Variants in CDC14A observed in about 807,000 individuals in gnomAD.
CDC14A encodes cell division cycle 14A, also known as dual specificity protein phosphatase CDC14A.
In CDC14A, 53 loss-of-function variants were observed where a neutral mutation model predicts 74.4. The observed-to-expected ratio is 0.71, with a 90% CI of 0.57 to 0.89. The LOEUF is 0.89. Among genes scored for constraint, CDC14A ranks in the 40% least tolerant of loss-of-function variants. CDC14A has a pLI of 0.00. For missense variants in CDC14A, 646 were observed against 713.7 expected, an observed-to-expected ratio of 0.91 and a Z score of 1.08; for synonymous variants, 247 against 258.4, an observed-to-expected ratio of 0.96 and a Z score of 0.43.
At chr1:100,488,202 A>G (rs1389726705) in intron 11 of CDC14A, among the ~76,000 whole-genome samples, 1 of 152,210 alleles carries the variant, frequency 6.6e-6, no homozygotes, top group African/African-American at 2.4e-5. Context: ...TTAAATCAGG[A>G]TCTTAGCATG....
chr1:100,453,885 A>G (rs1015607610), intron 7 of CDC14A, among the ~76,000 whole-genome samples: 3 of 152,150 alleles, frequency 2.0e-5, no homozygotes, highest in East Asian at 1.9e-4. Context: ...CAGGTGATTC[A>G]CCTGCATTGG....
At chr1:100,353,876 T>C in intron 2 of CDC14A, 24 bp downstream of exon 2, 1 of 1,404,618 alleles carries the variant, frequency 7.1e-7, no homozygotes, top group Non-Finnish European at 1.0e-6. Context: ...TTGTTTTTTT[T>C]TCTCTTGGCC....
intron 10 of CDC14A, among the ~76,000 whole-genome samples, chr1:100,480,620 A>G (rs978175430): frequency 6.6e-6 from 1 of 152,194 alleles, no homozygotes; most frequent in African/African-American, 2.4e-5. Flanking sequence ...CCAACAATGC[A>G]CGAGGGGTCC....
At chr1:100,419,339 T>C (rs1361778732) in intron 4 of CDC14A, among the ~76,000 whole-genome samples, 5 of 152,198 alleles carry the variant, frequency 3.3e-5, no homozygotes, top group Admixed American at 2.0e-4. Context: ...GAACCCCTCA[T>C]GAGAAAGGGG....
At chr1:100,412,560 T>A (rs1294551071) in intron 4 of CDC14A, among the ~76,000 whole-genome samples, 1 of 147,750 alleles carries the variant, frequency 6.8e-6, no homozygotes, top group Non-Finnish European at 1.5e-5. Context: ...CATAGGAAGA[T>A]GGGGGTGAGA....
chr1:100,411,844 G>A (rs1289492836), intron 4 of CDC14A, among the ~76,000 whole-genome samples: 2 of 152,196 alleles, frequency 1.3e-5, no homozygotes, highest in African/African-American at 2.4e-5. Context: ...AGAGGTCAGT[G>A]ATAATGGCAA....
At chr1:100,500,916 T>C (rs1239054457) in intron 15 of CDC14A, among the ~76,000 whole-genome samples, 4 of 151,584 alleles carry the variant, frequency 2.6e-5, no homozygotes, top group Admixed American at 6.6e-5. Context: ...CTTTTAAAAC[T>C]TTTACCCTCT....
At chr1:100,396,233 G>A (rs1336453766) in intron 4 of CDC14A, among the ~76,000 whole-genome samples, 1 of 152,218 alleles carries the variant, frequency 6.6e-6, no homozygotes, top group African/African-American at 2.4e-5. Flanking sequence ...TCTTGGGGAA[G>A]TCTAGGGCCT....
At chr1:100,512,782 A>G (rs1649892377) in intron 15 of CDC14A, among the ~76,000 whole-genome samples, 2 of 152,234 alleles carry the variant, frequency 1.3e-5, no homozygotes, top group Non-Finnish European at 2.9e-5. Flanking sequence ...AACACTATGG[A>G]AAAATGCACA....
At chr1:100,516,452 G>A (rs1344544662) in intron 15 of CDC14A, among the ~76,000 whole-genome samples, 1 of 152,140 alleles carries the variant, frequency 6.6e-6, no homozygotes, top group African/African-American at 2.4e-5. Context: ...GTTATATGCA[G>A]TTTGAAGAAT....
At chr1:100,498,637 A>G (rs1281922961) in intron 14 of CDC14A, among the ~76,000 whole-genome samples, 1 of 152,134 alleles carries the variant, frequency 6.6e-6, no homozygotes, top group Non-Finnish European at 1.5e-5. Context: ...CCCCAGGGTA[A>G]ATAAAACTCT....
chr1:100,362,556 T>C (rs1652907433), intron 2 of CDC14A, among the ~76,000 whole-genome samples: 2 of 152,246 alleles, frequency 1.3e-5, no homozygotes, highest in African/African-American at 4.8e-5. Context: ...TTGGTCATTT[T>C]GGTTGTTTCC....
At chr1:100,464,393 A>T (rs1007441361) in intron 9 of CDC14A, among the ~76,000 whole-genome samples, 5 of 152,154 alleles carry the variant, frequency 3.3e-5, no homozygotes, top group African/African-American at 9.7e-5. Flanking sequence ...GTGGGGTGCC[A>T]GTGTGTTGGC....
intron 10 of CDC14A, among the ~76,000 whole-genome samples, chr1:100,475,296 G>T (rs375037148): frequency 6.6e-6 from 1 of 152,066 alleles, no homozygotes; most frequent in African/African-American, 2.4e-5. Context: ...TATTTTGTCA[G>T]TTGTTTCATG....
chr1:100,489,170 A>G (rs1480025333), intron 11 of CDC14A, among the ~76,000 whole-genome samples: 2 of 152,224 alleles, frequency 1.3e-5, no homozygotes, highest in South Asian at 2.1e-4. Context: ...CTTACATCTC[A>G]TAGGTTCAAC....
intron 6 of CDC14A, 53 bp downstream of exon 6, chr1:100,440,051 G>A (rs971424879): frequency 7.6e-6 from 10 of 1,315,740 alleles, no homozygotes; most frequent in Non-Finnish European, 1.1e-5. Context: ...AAAAATATGA[G>A]AAAGGAATAA....
intron 5 of CDC14A, among the ~76,000 whole-genome samples, chr1:100,429,234 T>TAAAC (rs60569646): frequency 2.0e-5 from 3 of 146,500 alleles, no homozygotes; most frequent in African/African-American, 7.6e-5. Flanking sequence ...AATAAATAAA[T>TAAAC]ATAAAATAAA....
intron 4 of CDC14A, among the ~76,000 whole-genome samples, chr1:100,400,854 A>C (rs1415898901): frequency 1.3e-5 from 2 of 152,188 alleles, no homozygotes; most frequent in Non-Finnish European, 2.9e-5. Flanking sequence ...GTTAAGGTGC[A>C]TCAATCTTTT....
intron 4 of CDC14A, among the ~76,000 whole-genome samples, chr1:100,400,341 T>A (rs991858155): frequency 2.6e-5 from 4 of 152,220 alleles, no homozygotes; most frequent in African/African-American, 9.7e-5. Context: ...ATTTAAAATG[T>A]AGGTAAAATT....
Sources: allele counts gnomAD v4.1 joint callset (sites outside exome capture counted in the v4.1 genomes callset), GRCh38; gene constraint gnomAD v4.1.1; transcripts MANE v1.5; gene names NCBI Gene and HGNC (gene_info 2026-07-23, HGNC 2026-07-21).